CNTNAP2: variants seen among roughly 807,000 people sequenced by gnomAD.
The protein encoded by CNTNAP2 is contactin associated protein 2.
CNTNAP2 carries 98 observed loss-of-function variants against 155.2 expected under a neutral mutation model. The observed-to-expected ratio is 0.63, with a 90% CI of 0.54 to 0.75. The LOEUF is 0.75. CNTNAP2 is among the 30% of genes least tolerant of loss of function. CNTNAP2 has a pLI of 0.00. For missense variants in CNTNAP2, 1,727 were observed against 1,688.1 expected (o/e 1.02, Z -0.40); for synonymous variants, 651 against 631.2 (o/e 1.03, Z -0.47).
chr7:146,585,758 A>G (rs1325532375), intron 1 of CNTNAP2, among the ~76,000 whole-genome samples: 1 of 151,452 alleles, frequency 6.6e-6, no homozygotes, highest in East Asian at 1.9e-4. Flanking sequence ...GAAGGAAAGA[A>G]AGAAAGGAAA....
chr7:148,343,889 A>C (rs1798276542), intron 21 of CNTNAP2, among the ~76,000 whole-genome samples: 1 of 152,204 alleles, frequency 6.6e-6, no homozygotes, highest in South Asian at 2.1e-4. Context: ...GAAACTGGTG[A>C]AATGGGGACC....
At chr7:147,146,635 AAAAG>A (rs2129288484) in intron 8 of CNTNAP2, 1 of 152,522 alleles carries the variant, frequency 6.6e-6, no homozygotes, top group East Asian at 1.9e-4. Context: ...TTTGAAGTAA[AAAAG>A]AAAAAGTGAT....
intron 3 of CNTNAP2, among the ~76,000 whole-genome samples, chr7:146,979,359 TA>T (rs1797972196): frequency 1.3e-5 from 2 of 152,182 alleles, no homozygotes; most frequent in Non-Finnish European, 2.9e-5. Context: ...CTTCCTAGAA[TA>T]CTACTCCCTC....
At chr7:147,417,097 A>G (rs1018967853) in intron 10 of CNTNAP2, among the ~76,000 whole-genome samples, 3 of 152,166 alleles carry the variant, frequency 2.0e-5, no homozygotes, top group African/African-American at 7.2e-5. Flanking sequence ...CTCAAAAAAA[A>G]AAAAAAAAAG....
rs576784122 is a variant in CNTNAP2, at chr7:146,168,574, CCA to C, written c.97+51602_97+51603del. ...GTCTGTTTTTCTCCAGTTGTTCAGT[CCA>C]AGAATATGAGGTCTTATTTGACTCT... On this transcript the variant is annotated intron_variant, in intron 1 of 23. Coordinates refer to ENST00000361727, the MANE Select transcript of CNTNAP2 (RefSeq NM_014141.6). Among the ~76,000 whole-genome samples, 1,135 of 152,220 alleles carry C rather than the reference CCA, an allele frequency of 7.5e-3. 8 individuals carry two copies. Among genetic ancestry groups the C allele is most frequent in the Non-Finnish European group, 0.011 (747 of 68,024 alleles).
At chr7:147,734,207 TGA>T (rs1232721567) in intron 13 of CNTNAP2, among the ~76,000 whole-genome samples, 20 of 152,212 alleles carry the variant, frequency 1.3e-4, no homozygotes, top group Non-Finnish European at 2.4e-4. Flanking sequence ...CCTAATTTAT[TGA>T]GAGTTTTTAG....
chr7:146,803,536 C>A (rs1466352309), intron 2 of CNTNAP2, among the ~76,000 whole-genome samples: 1 of 152,046 alleles, frequency 6.6e-6, no homozygotes, highest in African/African-American at 2.4e-5. Context: ...ACATTGTTGG[C>A]CCTCAATAAA....
chr7:146,677,703 A>G (rs368485319), intron 1 of CNTNAP2, among the ~76,000 whole-genome samples: 1 of 128,450 alleles, frequency 7.8e-6, no homozygotes, highest in Non-Finnish European at 1.7e-5. Flanking sequence ...TTTTTTTTTT[A>G]GGAGAAAGAG....
At chr7:146,594,167 C>G (rs952696434) in intron 1 of CNTNAP2, among the ~76,000 whole-genome samples, 1 of 152,102 alleles carries the variant, frequency 6.6e-6, no homozygotes, top group Non-Finnish European at 1.5e-5. Flanking sequence ...CATGCTGTAT[C>G]AGGAATTGAA....
chr7:146,762,334 C>T (rs1585078517), intron 1 of CNTNAP2, among the ~76,000 whole-genome samples: 2 of 152,254 alleles, frequency 1.3e-5, no homozygotes, highest in Admixed American at 6.5e-5. Flanking sequence ...GGTGTGGTGG[C>T]TCACACCTGT....
intron 15 of CNTNAP2, among the ~76,000 whole-genome samples, chr7:147,988,071 C>T (rs776514270): frequency 1.3e-5 from 2 of 152,040 alleles, no homozygotes; most frequent in Admixed American, 6.5e-5. Flanking sequence ...TCCAGAAAGG[C>T]GGGACAACTC....
At chr7:146,347,784 T>C (rs1042047444) in intron 1 of CNTNAP2, among the ~76,000 whole-genome samples, 2 of 152,170 alleles carry the variant, frequency 1.3e-5, no homozygotes, top group East Asian at 3.9e-4. Flanking sequence ...CAGGCTGGTA[T>C]TGAACTCCTG....
intron 19 of CNTNAP2, among the ~76,000 whole-genome samples, chr7:148,225,557 A>AT (rs1795829762): frequency 6.6e-6 from 1 of 152,088 alleles, no homozygotes. Flanking sequence ...AAGAAGTTTG[A>AT]TTTTTACTCT....
chr7:147,420,309 A>G (rs929351633), intron 10 of CNTNAP2, among the ~76,000 whole-genome samples: 30 of 152,198 alleles, frequency 2.0e-4, no homozygotes, highest in African/African-American at 6.5e-4. Context: ...TTAAAGTATT[A>G]TTTGGTGTTC....
At chr7:147,274,755 T>A (rs1297600841) in intron 8 of CNTNAP2, among the ~76,000 whole-genome samples, 1 of 152,128 alleles carries the variant, frequency 6.6e-6, no homozygotes, top group African/African-American at 2.4e-5. Context: ...CCTAGACCAA[T>A]GTTCAGAAGA....
intron 1 of CNTNAP2, among the ~76,000 whole-genome samples, chr7:146,339,533 G>T (rs536911507): frequency 2.0e-5 from 3 of 152,112 alleles, no homozygotes; most frequent in Non-Finnish European, 4.4e-5. Flanking sequence ...TTGAATGTTT[G>T]TATATTGAAC....
chr7:148,324,719 A>G (rs954043274), intron 21 of CNTNAP2, among the ~76,000 whole-genome samples: 3 of 144,350 alleles, frequency 2.1e-5, no homozygotes, highest in Non-Finnish European at 4.5e-5. Context: ...AATCACTTGA[A>G]CCTGGGATGT....
chr7:147,156,662 C>A (rs898165321), intron 8 of CNTNAP2, among the ~76,000 whole-genome samples: 1 of 152,072 alleles, frequency 6.6e-6, no homozygotes, highest in Non-Finnish European at 1.5e-5. Context: ...TCTAAGAGGG[C>A]AAACAAGGAT....
intron 12 of CNTNAP2, among the ~76,000 whole-genome samples, chr7:147,632,165 G>C (rs1250138461): frequency 6.6e-6 from 1 of 152,144 alleles, no homozygotes; most frequent in Non-Finnish European, 1.5e-5. Flanking sequence ...AGTGGGAAAA[G>C]AGCATGAGTA....
Sources: gnomAD v4.1 joint callset for allele counts (sites outside exome capture counted in the v4.1 genomes callset) on GRCh38, gnomAD v4.1.1 for gene constraint, MANE v1.5 for transcripts, NCBI Gene and HGNC (gene_info 2026-07-23, HGNC 2026-07-21) for gene names.